RIMS1: variants seen among roughly 807,000 people sequenced by gnomAD.
RIMS1 encodes regulating synaptic membrane exocytosis 1.
Under a neutral mutation model 214.1 loss-of-function variants are expected in RIMS1, and 83 were observed. The ratio of observed to expected loss-of-function variants is 0.39; its 90% confidence interval spans 0.32 to 0.47. RIMS1 has a LOEUF of 0.47. Among genes scored for constraint, RIMS1 ranks in the 20% least tolerant of loss-of-function variants. RIMS1 has a pLI of 0.99. For synonymous variants in RIMS1, 793 were observed against 786.8 expected (o/e 1.01, Z -0.13); for missense variants, 2,050 against 2,161.8 (o/e 0.95, Z 1.03).
At chr6:72,289,525 A>G (rs2092985897) in intron 24 of RIMS1, among the ~76,000 whole-genome samples, 1 of 152,206 alleles carries the variant, frequency 6.6e-6, no homozygotes, top group Non-Finnish European at 1.5e-5. Context: ...TCAAGAAAGT[A>G]AAATACGCCT....
At chr6:71,933,215 T>C (rs1783556730) in intron 1 of RIMS1, among the ~76,000 whole-genome samples, 1 of 152,126 alleles carries the variant, frequency 6.6e-6, no homozygotes, top group South Asian at 2.1e-4. Context: ...TGGGGCTATG[T>C]CTGTTGTGAA....
Position 72,235,629 on chromosome 6 carries a change from G to A in RIMS1, c.1758G>A (p.Thr586=), listed in dbSNP as rs374761298. 22 of 1,608,016 alleles carry A rather than the reference G, an allele frequency of 1.4e-5. No homozygotes were observed. The Admixed American group carries it at 1.7e-4, about 12-fold the overall frequency. ...TCATGTTTTAACAGCATCCTGTAACGTGGCAACCATCTAAAGAGGGGGACC... is the reference window on the plus strand; with the variant it reads ...TCATGTTTTAACAGCATCCTGTAACATGGCAACCATCTAAAGAGGGGGACC... The part of the protein sequence containing the change: ...ETSPISSHPV[T]WQPSKEGDRL... Residue 586 remains threonine (T), a synonymous_variant, in exon 8 of 34, where the codon ACG becomes ACA. Coordinates refer to ENST00000521978, the MANE Select transcript of RIMS1 (RefSeq NM_014989.7).
At position 72,233,858 on chromosome 6, in the gene RIMS1, T is replaced by C. The variant is rs1269737438; in HGVS notation, c.1746+18T>C. 4 of 1,545,610 alleles carry C rather than the reference T, an allele frequency of 2.6e-6. No homozygotes were observed. The Middle Eastern group carries it at 5.0e-4, about 195-fold the overall frequency. ...TTAGTTCGGTAAGTTTTCTGGAAAG[T>C]GTGTTTGGAGTTTAGGGAATATGTG... On this transcript the variant is annotated intron_variant, in intron 7 of 33. Coordinates refer to ENST00000521978, the MANE Select transcript of RIMS1 (RefSeq NM_014989.7).
chr6:72,227,077 C>T lies in RIMS1; in HGVS notation c.1679-6696C>T, dbSNP rs188197069. ...TAGGATTAGTCACAAGTCTCCAACTCGGAGTACAAAGTTCTTTTTACTGCA... is the reference window on the plus strand; with the variant it reads ...TAGGATTAGTCACAAGTCTCCAACTTGGAGTACAAAGTTCTTTTTACTGCA... On this transcript the variant is annotated intron_variant, in intron 6 of 33. Transcript: ENST00000521978. Among the ~76,000 whole-genome samples, 9 of 151,976 alleles carry T rather than the reference C, an allele frequency of 5.9e-5. No homozygotes were observed. In the East Asian group the frequency reaches 1.4e-3, roughly 23 times the overall value.
At chr6:72,083,238 T>C (rs1833848841) in intron 2 of RIMS1, among the ~76,000 whole-genome samples, 1 of 152,232 alleles carries the variant, frequency 6.6e-6, no homozygotes. Flanking sequence ...ATTGGAAATA[T>C]TTGTGATTCA....
intron 2 of RIMS1, among the ~76,000 whole-genome samples, chr6:72,021,475 A>T (rs1295569576): frequency 2.0e-5 from 3 of 152,184 alleles, no homozygotes; most frequent in African/African-American, 7.2e-5. Flanking sequence ...GGTAAATATG[A>T]TGCAATCCCT....
intron 9 of RIMS1, among the ~76,000 whole-genome samples, chr6:72,239,198 G>T (rs2065612139): frequency 6.6e-6 from 1 of 152,094 alleles, no homozygotes; most frequent in Non-Finnish European, 1.5e-5. Flanking sequence ...ACCTGAGTTT[G>T]CAGACCACAT....
Position 72,243,292 on chromosome 6 carries a change from C to A in RIMS1, c.2081+855C>A, listed in dbSNP as rs191325674. On this transcript the variant is annotated intron_variant, in intron 10 of 33. Transcript: ENST00000521978. Reference sequence around the variant, plus strand: ...TCGGCCTCATGAATATATGTCAATGCAAAACATACAAGAAGATATAATTAT... The same window carrying A: ...TCGGCCTCATGAATATATGTCAATGAAAAACATACAAGAAGATATAATTAT... Among the ~76,000 whole-genome samples, 329 of 151,446 alleles carry A rather than the reference C, an allele frequency of 2.2e-3. 1 individual carries two copies. The highest frequency in any genetic ancestry group is 0.02 in the Admixed American group (299 of 15,198).
chr6:72,374,864 A>G (rs56889130), intron 29 of RIMS1, among the ~76,000 whole-genome samples: 1,611 of 152,328 alleles, frequency 0.011, 31 homozygotes, highest in African/African-American at 0.036. Context: ...TCCTACAACT[A>G]AACAGTCCCA....
At position 71,887,009 on chromosome 6, in the gene RIMS1, G is replaced by A. The variant is rs1293618823; in HGVS notation, c.-15G>A. The A allele has an allele frequency of 6.2e-7, 1 of 1,610,160 alleles. No individual in the cohort carries two copies. Among genetic ancestry groups the A allele is most frequent in the African/African-American group, 1.3e-5 (1 of 74,844 alleles). ...GAGCCAGAGAGCGAGCAGAGGGGGC[G>A]GGCAGGCCACGAAAATGTCCTCGGC... is the stretch of plus-strand genomic sequence containing the variant. On this transcript the variant is annotated 5_prime_UTR_variant, in exon 1 of 34. Transcript: ENST00000521978.
intron 2 of RIMS1, among the ~76,000 whole-genome samples, chr6:72,086,053 T>C (rs747704888): frequency 6.6e-6 from 1 of 152,178 alleles, no homozygotes; most frequent in Non-Finnish European, 1.5e-5. Flanking sequence ...TTACACTGGA[T>C]TTTGGAATCC....
intron 29 of RIMS1, among the ~76,000 whole-genome samples, chr6:72,382,040 C>G (rs999379281): frequency 6.6e-6 from 1 of 152,126 alleles, no homozygotes. Context: ...CAAAAATACT[C>G]AGAATGATAC....
chr6:71,954,467 A>G (rs751764607), intron 1 of RIMS1, among the ~76,000 whole-genome samples: 1 of 152,034 alleles, frequency 6.6e-6, no homozygotes, highest in Non-Finnish European at 1.5e-5. Flanking sequence ...TCCTACATAA[A>G]CCTGTTTCTT....
intron 1 of RIMS1, among the ~76,000 whole-genome samples, chr6:71,933,663 T>C (rs2150933591): frequency 6.8e-6 from 1 of 146,800 alleles, no homozygotes; most frequent in East Asian, 2.0e-4. Context: ...CATATAAATG[T>C]CTATCAGCTC....
chr6:72,042,882 T>C (rs1821848549), intron 2 of RIMS1, among the ~76,000 whole-genome samples: 1 of 151,798 alleles, frequency 6.6e-6, no homozygotes, highest in South Asian at 2.1e-4. Flanking sequence ...CCCACAATAC[T>C]TGGCCAAATA....
chr6:72,051,031 T>G (rs1159060061), intron 2 of RIMS1, among the ~76,000 whole-genome samples: 1 of 152,152 alleles, frequency 6.6e-6, no homozygotes, highest in African/African-American at 2.4e-5. Context: ...ATTATCAAAT[T>G]TCACACTTGA....
intron 27 of RIMS1, among the ~76,000 whole-genome samples, chr6:72,309,397 T>A (rs1424162103): frequency 1.3e-5 from 2 of 152,108 alleles, no homozygotes; most frequent in African/African-American, 2.4e-5. Context: ...AAAGAGGTAA[T>A]TAATTAAAAT....
intron 6 of RIMS1, among the ~76,000 whole-genome samples, chr6:72,208,609 A>C (rs2154002795): frequency 6.6e-6 from 1 of 152,290 alleles, no homozygotes; most frequent in African/African-American, 2.4e-5. Flanking sequence ...TTATCCTTTA[A>C]ATATCTAATC....
intron 29 of RIMS1, among the ~76,000 whole-genome samples, chr6:72,368,568 G>A (rs978202143): frequency 6.6e-6 from 1 of 151,382 alleles, no homozygotes; most frequent in Non-Finnish European, 1.5e-5. Context: ...GGGCTTCTTT[G>A]AAGATACATA....
Sources: allele counts gnomAD v4.1 joint callset (sites outside exome capture counted in the v4.1 genomes callset), GRCh38; gene constraint gnomAD v4.1.1; transcripts MANE v1.5; gene names NCBI Gene and HGNC (gene_info 2026-07-23, HGNC 2026-07-21).